Variants in NKD1 observed in about 807,000 individuals in gnomAD.
The protein encoded by NKD1 is protein naked cuticle homolog 1.
In NKD1, 21 loss-of-function variants were observed where a neutral mutation model predicts 56.0. The observed-to-expected ratio is 0.38, with a 90% CI of 0.27 to 0.54. The LOEUF is 0.54. Ranked by LOEUF, NKD1 falls within the 20% of genes least tolerant of loss-of-function variation. The pLI, the probability that NKD1 is intolerant of heterozygous loss-of-function variation, is 0.82. For synonymous variants in NKD1, 263 were observed against 265.7 expected (o/e 0.99, Z 0.10); for missense variants, 578 against 642.7 (o/e 0.90, Z 1.09).
intron 3 of NKD1, among the ~76,000 whole-genome samples, chr16:50,560,821 CCCAT>C (rs1242447860): frequency 4.0e-5 from 2 of 49,704 alleles, no homozygotes; most frequent in African/African-American, 1.5e-4. Context: ...TATACCCAAA[CCCAT>C]CTATCTATCT....
At chr16:50,570,241 T>A (rs146972676) in intron 3 of NKD1, among the ~76,000 whole-genome samples, 93 of 152,316 alleles carry the variant, frequency 6.1e-4, no homozygotes, top group Non-Finnish European at 1.2e-3. Context: ...TGGCTTGTAT[T>A]CTGTTCCTGT....
At chr16:50,588,816 C>T (rs533550003) in intron 3 of NKD1, among the ~76,000 whole-genome samples, 102 of 152,056 alleles carry the variant, frequency 6.7e-4, no homozygotes, top group Middle Eastern at 3.4e-3. Context: ...GTTGGCCAGG[C>T]TGGTCTCAAA....
intron 3 of NKD1, chr16:50,607,192 G>A (rs1456159761): frequency 2.8e-6 from 1 of 353,350 alleles, no homozygotes; most frequent in Non-Finnish European, 5.6e-6. Flanking sequence ...GCCACAAAAT[G>A]TTAGCTGTTT....
chr16:50,574,549 G>T (rs186093042), intron 3 of NKD1: 2 of 985,306 alleles, frequency 2.0e-6, no homozygotes, highest in African/African-American at 3.5e-5. Context: ...GCAGTGCAGC[G>T]TGGTCTCGCC....
intron 3 of NKD1, among the ~76,000 whole-genome samples, chr16:50,596,256 C>T (rs1961469678): frequency 6.6e-6 from 1 of 152,216 alleles, no homozygotes; most frequent in African/African-American, 2.4e-5. Flanking sequence ...CAGGAGGCCA[C>T]CCATTTCACC....
chr16:50,596,884 C>A (rs1961483943), intron 3 of NKD1, among the ~76,000 whole-genome samples: 1 of 152,106 alleles, frequency 6.6e-6, no homozygotes, highest in African/African-American at 2.4e-5. Context: ...GAAGAGTCTT[C>A]CGGGTAGAGG....
rs926750752 is a variant in NKD1, at chr16:50,640,869, G to T, written c.*7088G>T. 1 of 152,130 alleles carries T rather than the reference G, an allele frequency of 6.6e-6. No individual in the cohort carries two copies. The highest frequency in any genetic ancestry group is 1.5e-5 in the Non-Finnish European group (1 of 68,012). The allele number at this position is 152,130 out of a possible 1,614,324, so 9.4% of individuals were successfully genotyped here. ...AAAAAAAAAACAACCTCATTATGTTGTCTTTGTTTTTGTTTTGTTTTCTTT... is the reference window on the plus strand; with the variant it reads ...AAAAAAAAAACAACCTCATTATGTTTTCTTTGTTTTTGTTTTGTTTTCTTT... On this transcript the variant is annotated 3_prime_UTR_variant, in exon 10 of 10. Transcript: ENST00000268459.
At chr16:50,607,013 G>A (rs1284959879) in intron 3 of NKD1, 6 of 456,992 alleles carry the variant, frequency 1.3e-5, no homozygotes, top group African/African-American at 4.0e-5. Flanking sequence ...GGATATGTTC[G>A]ATGATTATAA....
At position 50,632,414 on chromosome 16, in the gene NKD1, G is replaced by A; in HGVS notation, c.823+6G>A. 1 of 1,614,130 alleles carries A rather than the reference G, an allele frequency of 6.2e-7. No individual in the cohort carries two copies. The highest frequency in any genetic ancestry group is 1.1e-5 in the South Asian group (1 of 91,078). The stretch of plus-strand genomic sequence containing the variant: ...CACGTCCCAATTTGGGCCTGGTAAG[G>A]GACTCAAGCACCCTGCAATGGGCGA... On this transcript the variant is annotated splice_donor_region_variant and intron_variant, in intron 9 of 9. Coordinates refer to ENST00000268459, the MANE Select transcript of NKD1 (RefSeq NM_033119.5). This position sits in a 1 kb window ranked among gnomAD's most constrained non-coding sequence, Gnocchi z 4.1.
At position 50,637,770 on chromosome 16, in the gene NKD1, G is replaced by C. The variant is rs1383334597; in HGVS notation, c.*3989G>C. ...TGCAAATCTTCTGAAGGCCATTCCA[G>C]AGGAGCAGTTGCCACTGCCCCATCC... On this transcript the variant is annotated 3_prime_UTR_variant, in exon 10 of 10. Transcript: ENST00000268459. The C allele has an allele frequency of 6.6e-6, 1 of 152,144 alleles. No homozygotes were observed. The highest frequency in any genetic ancestry group is 1.5e-5 in the Non-Finnish European group (1 of 68,054). 9.4% of individuals were successfully genotyped at this position (152,144 alleles called of 1,614,324 possible).
At chr16:50,552,262 T>G (rs1424845694) in intron 3 of NKD1, 1 of 152,252 alleles carries the variant, frequency 6.6e-6, no homozygotes, top group Non-Finnish European at 1.5e-5. Flanking sequence ...CCCCATAACC[T>G]TGTAGTGTTG....
chr16:50,555,217 A>T (rs1256879277), intron 3 of NKD1: 5 of 152,390 alleles, frequency 3.3e-5, no homozygotes, highest in Admixed American at 3.3e-4. Context: ...GATTGCCGGG[A>T]GGCTTCTGTG....
chr16:50,568,810 G>A (rs113469239), intron 3 of NKD1, among the ~76,000 whole-genome samples: 32 of 152,292 alleles, frequency 2.1e-4, no homozygotes, highest in African/African-American at 6.0e-4. Context: ...CAGAGGATGG[G>A]ACTGACCTTT....
At chr16:50,591,904 C>T (rs1350104355) in intron 3 of NKD1, among the ~76,000 whole-genome samples, 4 of 152,156 alleles carry the variant, frequency 2.6e-5, no homozygotes, top group African/African-American at 7.2e-5. Flanking sequence ...GGTGGCTGCC[C>T]GGGGATAGGC....
intron 3 of NKD1, among the ~76,000 whole-genome samples, chr16:50,586,760 C>T (rs1013307477): frequency 6.6e-6 from 1 of 152,216 alleles, no homozygotes; most frequent in African/African-American, 2.4e-5. Context: ...CAGAAGGCCT[C>T]CCAGCATCTG....
At chr16:50,574,454 C>T in intron 3 of NKD1, 1 of 985,442 alleles carries the variant, frequency 1.0e-6, no homozygotes, top group Non-Finnish European at 1.2e-6. Context: ...TTCCTTGGGA[C>T]TTGGCTGGGC....
Position 50,640,053 on chromosome 16 carries a change from G to A in NKD1, c.*6272G>A, listed in dbSNP as rs1290970368. On this transcript the variant is annotated 3_prime_UTR_variant, in exon 10 of 10. Coordinates refer to ENST00000268459, the MANE Select transcript of NKD1 (RefSeq NM_033119.5). ...CTTCCCCTAGTAGGGTTTGTTTTGGGGTCACATCTGGTCATACCCTTCAGA... is the reference window on the plus strand; with the variant it reads ...CTTCCCCTAGTAGGGTTTGTTTTGGAGTCACATCTGGTCATACCCTTCAGA... 2.0e-5 allele frequency: 3 copies of A among 152,114 alleles called. No individual in the cohort carries two copies. The highest frequency in any genetic ancestry group is 1.9e-4 in the East Asian group (1 of 5,186). The allele number at this position is 152,114 out of a possible 1,614,324, so 9.4% of individuals were successfully genotyped here. A position where few individuals can be genotyped will look rare whatever the true frequency, so the allele number is the denominator to read the frequency against.
intron 3 of NKD1, chr16:50,607,703 T>G (rs1961744362): frequency 6.5e-6 from 1 of 154,360 alleles, no homozygotes; most frequent in Non-Finnish European, 1.4e-5. Context: ...CTGTAAGAGA[T>G]CTTGTTTAAC....
intron 6 of NKD1, among the ~76,000 whole-genome samples, chr16:50,627,983 T>C (rs189186111): frequency 2.0e-5 from 3 of 152,108 alleles, no homozygotes; most frequent in Non-Finnish European, 2.9e-5. Context: ...TGGGGCCTTA[T>C]GGAGAAGCCA....
Sources: gnomAD v4.1 joint callset for allele counts (sites outside exome capture counted in the v4.1 genomes callset) on GRCh38, gnomAD v4.1.1 for gene constraint, Gnocchi (gnomAD v3.1) non-coding constraint, MANE v1.5 for transcripts, NCBI Gene and HGNC (gene_info 2026-07-23, HGNC 2026-07-21) for gene names.